Variants in FCHO2 observed in about 807,000 individuals in gnomAD.
FCHO2 encodes the protein FCH and mu domain containing endocytic adaptor 2.
In FCHO2, 43 loss-of-function variants were observed where a neutral mutation model predicts 114.1. The ratio of observed to expected loss-of-function variants is 0.38; its 90% CI spans 0.30 to 0.49. The LOEUF (loss-of-function observed/expected upper bound fraction) is 0.49. FCHO2 is among the 20% of genes least tolerant of loss of function. The pLI is 0.97. For missense variants in FCHO2, 807 were observed against 950.4 expected (o/e 0.85, Z 1.98); for synonymous variants, 293 against 315.2 (o/e 0.93, Z 0.75).
chr5:72,967,865 C>T (rs1336656491), intron 1 of FCHO2, among the ~76,000 whole-genome samples: 1 of 151,716 alleles, frequency 6.6e-6, no homozygotes, highest in Non-Finnish European at 1.5e-5. Flanking sequence ...AGTGATCCGC[C>T]TGCCTCCGCC....
At chr5:72,965,983 G>GA (rs1442806002) in intron 1 of FCHO2, among the ~76,000 whole-genome samples, 2 of 151,752 alleles carry the variant, frequency 1.3e-5, no homozygotes, top group East Asian at 3.9e-4. Flanking sequence ...AGAACTTTTT[G>GA]AAAAAAAGGA....
At chr5:73,060,661 C>T (rs1025424787) in intron 17 of FCHO2, among the ~76,000 whole-genome samples, 8 of 152,012 alleles carry the variant, frequency 5.3e-5, no homozygotes, top group African/African-American at 1.9e-4. Flanking sequence ...TCATTCAGTG[C>T]TCTCCTGTGT....
In FCHO2 at chr5:73,088,409, A is replaced by G. The variant is rs767318448; in HGVS notation, c.*319A>G. ...TGTTGAAAAAAAGGGTTATAGTGTA[A>G]TATCAGGCCTAAAGTTTCAGAAGAG... On this transcript the variant is annotated 3_prime_UTR_variant, in exon 26 of 26. Transcript: ENST00000430046. 9.6e-5 allele frequency: 26 copies of G among 270,146 alleles called. No individual in the cohort carries two copies. The highest frequency in any genetic ancestry group is 1.9e-4 in the Admixed American group (4 of 21,166). The allele number at this position is 270,146 out of a possible 1,614,324, so 16.7% of individuals were successfully genotyped here.
chr5:73,050,340 T>A (rs1248393060), intron 11 of FCHO2, among the ~76,000 whole-genome samples: 4 of 124,932 alleles, frequency 3.2e-5, no homozygotes, highest in Non-Finnish European at 7.1e-5. Context: ...TTATTTATTT[T>A]GACAGAGCTC....
intron 11 of FCHO2, among the ~76,000 whole-genome samples, chr5:73,050,334 TTATTTTG>T: frequency 6.7e-6 from 1 of 150,006 alleles, no homozygotes; most frequent in African/African-American, 2.5e-5. Flanking sequence ...ATTTATTTAT[TTATTTTG>T]ACAGAGCTCG....
At chr5:73,015,574 A>G in intron 6 of FCHO2, 52 bp from the exon 7 acceptor site, 1 of 1,052,608 alleles carries the variant, frequency 9.5e-7, no homozygotes, top group East Asian at 2.8e-5. Context: ...CAGAATATAT[A>G]TGTATGTACC....
chr5:72,975,003 C>A (rs914718469), intron 2 of FCHO2, among the ~76,000 whole-genome samples: 1 of 152,082 alleles, frequency 6.6e-6, no homozygotes, highest in African/African-American at 2.4e-5. Flanking sequence ...GTTGAAAATT[C>A]TTTTCTTTAA....
intron 5 of FCHO2, among the ~76,000 whole-genome samples, chr5:72,995,522 C>T (rs1374944304): frequency 6.6e-6 from 1 of 152,150 alleles, no homozygotes; most frequent in African/African-American, 2.4e-5. Context: ...TCCCAAAGTG[C>T]TGGGTGTGAG....
chr5:72,968,392 A>C, intron 1 of FCHO2, 106 bp from the exon 2 acceptor site: 1 of 683,270 alleles, frequency 1.5e-6, no homozygotes, highest in South Asian at 2.5e-5. Context: ...TTATGAAAAC[A>C]CCTCACCTGA....
At chr5:73,078,438 T>A in intron 22 of FCHO2, 126 bp downstream of exon 22, 1 of 918,612 alleles carries the variant, frequency 1.1e-6, no homozygotes, top group Non-Finnish European at 1.6e-6. Context: ...GTTTTGAAAT[T>A]AGAAAATCTG....
chr5:72,968,579 G>C lies in FCHO2; in HGVS notation c.115G>C (p.Val39Leu). 6.5e-7 allele frequency: 1 copy of C among 1,530,294 alleles called. No homozygotes were observed. Among genetic ancestry groups the C allele is most frequent in the Non-Finnish European group, 8.7e-7 (1 of 1,146,700 alleles). The allele number at this position is 1,530,294 out of a possible 1,614,324, so 94.8% of individuals were successfully genotyped here. The stretch of plus-strand genomic sequence containing the variant: ...ATCAACAAAAGAACTAGCAGATTTT[G>C]TAAGGGAACGGTATGTATTTTTTAA... ...QISTKELADF[V>L]RERATIEEAY... The change falls in exon 2 of 26, where the codon GTA becomes CTA. Residue 39 changes from valine to leucine, a missense_variant. By Grantham distance (32) the Val-to-Leu change is conservative (BLOSUM62 1). Transcript: ENST00000430046.
chr5:72,974,584 A>G (rs1233121165), intron 2 of FCHO2, among the ~76,000 whole-genome samples: 3 of 150,794 alleles, frequency 2.0e-5, no homozygotes, highest in Non-Finnish European at 1.5e-5. Context: ...CTTTATTTTG[A>G]GCCTATGTGT....
chr5:73,051,661 G>C lies in FCHO2; in HGVS notation c.997+255G>C, dbSNP rs137920020. 3.6e-3 allele frequency among the ~76,000 whole-genome samples: 541 copies of C among 151,994 alleles called. 5 individuals carry two copies. The highest frequency in any genetic ancestry group is 0.013 in the African/African-American group (526 of 41,468). ...AGCTCACTGCAGCCTCTGCCTCCCG[G>C]GTTTCAGCGATTCTTCTGCCTCAGT... On this transcript the variant is annotated intron_variant, in intron 12 of 25. Transcript: ENST00000430046.
At chr5:73,087,935 C>A in intron 25 of FCHO2, 133 bp from the exon 26 acceptor site, 2 of 1,394,118 alleles carry the variant, frequency 1.4e-6, no homozygotes, top group Non-Finnish European at 2.0e-6. Flanking sequence ...TATAGCTGAA[C>A]ACCTGTTATC....
intron 12 of FCHO2, 60 bp downstream of exon 12, chr5:73,051,466 A>G (rs1757333011): frequency 2.7e-6 from 3 of 1,122,620 alleles, no homozygotes; most frequent in Non-Finnish European, 3.8e-6. Flanking sequence ...AGGCAGTTAT[A>G]AGAAAATCAT....
intron 2 of FCHO2, among the ~76,000 whole-genome samples, chr5:72,973,681 G>A (rs1190061377): frequency 6.7e-6 from 1 of 149,442 alleles, no homozygotes; most frequent in South Asian, 2.1e-4. Flanking sequence ...TTTTTGAAGG[G>A]TTTTTTGTGT....
chr5:73,033,378 A>G (rs1253884840), intron 8 of FCHO2, among the ~76,000 whole-genome samples: 1 of 152,144 alleles, frequency 6.6e-6, no homozygotes, highest in Non-Finnish European at 1.5e-5. Context: ...ACAGAAATAA[A>G]TCTTAGGTTT....
At chr5:73,047,757 T>G (rs1173249891) in intron 11 of FCHO2, among the ~76,000 whole-genome samples, 2 of 152,204 alleles carry the variant, frequency 1.3e-5, no homozygotes, top group Non-Finnish European at 2.9e-5. Context: ...TTATAATACC[T>G]AATACAATGT....
chr5:73,083,387 G>T (rs886267823), intron 24 of FCHO2, among the ~76,000 whole-genome samples: 2 of 152,090 alleles, frequency 1.3e-5, no homozygotes, highest in African/African-American at 2.4e-5. Flanking sequence ...AATTTATTTT[G>T]CCATAACTTT....
Sources: gnomAD v4.1 joint callset for allele counts (sites outside exome capture counted in the v4.1 genomes callset) on GRCh38, gnomAD v4.1.1 for gene constraint, MANE v1.5 for transcripts, NCBI Gene and HGNC (gene_info 2026-07-23, HGNC 2026-07-21) for gene names.